TRIP4: variants seen among roughly 807,000 people sequenced by gnomAD.
The protein encoded by TRIP4 is thyroid hormone receptor interactor 4.
In TRIP4, 54 loss-of-function variants were observed where a neutral mutation model predicts 81.8. The observed-to-expected ratio is 0.66, with a 90% confidence interval of 0.53 to 0.83. The LOEUF (loss-of-function observed/expected upper bound fraction) is 0.83, where lower values mean the gene tolerates loss of function less well. Ranked by LOEUF, TRIP4 falls within the 40% of genes least tolerant of loss-of-function variation. TRIP4 has a pLI of 0.00. For synonymous variants in TRIP4, 270 were observed against 242.8 expected (o/e 1.11, Z -1.04); for missense variants, 662 against 683.6 (o/e 0.97, Z 0.35).
chr15:64,414,035 T>G, intron 7 of TRIP4, 50 bp from the exon 8 acceptor site: 1 of 1,593,504 alleles, frequency 6.3e-7, no homozygotes, highest in African/African-American at 1.3e-5. Context: ...GTAAGCATTC[T>G]GAGCATAGAA....
At chr15:64,425,097 T>G (rs745464637) in intron 10 of TRIP4, among the ~76,000 whole-genome samples, 7 of 152,118 alleles carry the variant, frequency 4.6e-5, no homozygotes, top group Non-Finnish European at 8.8e-5. Context: ...CTTCTATTCC[T>G]ATTGATATGG....
At chr15:64,396,108 C>T (rs921804717) in intron 3 of TRIP4, among the ~76,000 whole-genome samples, 1 of 151,772 alleles carries the variant, frequency 6.6e-6, no homozygotes, top group African/African-American at 2.4e-5. Flanking sequence ...GGGGTTTCAC[C>T]GAGTTGCCCA....
intron 1 of TRIP4, among the ~76,000 whole-genome samples, chr15:64,391,364 C>G (rs1303800134): frequency 6.6e-6 from 1 of 151,794 alleles, no homozygotes; most frequent in African/African-American, 2.4e-5. Flanking sequence ...ACCAGGTTGG[C>G]CAGGATGGTC....
chr15:64,436,641 C>T (rs2140308390), intron 11 of TRIP4, among the ~76,000 whole-genome samples: 1 of 150,716 alleles, frequency 6.6e-6, no homozygotes, highest in South Asian at 2.1e-4. Flanking sequence ...TAACCCCAGC[C>T]CATTTCCTCC....
Position 64,397,755 on chromosome 15 carries a change from G to C in TRIP4, c.555G>C (p.Leu185=), listed in dbSNP as rs962356007. 3 of 1,614,238 alleles carry C rather than the reference G, an allele frequency of 1.9e-6. No individual in the cohort carries two copies. The East Asian group carries it at 6.7e-5, about 36-fold the overall frequency. The change falls in exon 4 of 13, where the codon CTG becomes CTC. Residue 185 remains leucine (L), a synonymous_variant. Transcript: ENST00000261884. ...GQKHKLINNC[L]ICGRIVCEQE... ...AGCACAAGCTCATCAATAACTGTCT[G>C]ATCTGTGGGCGCATTGTCTGTGAAC...
At position 64,414,069 on chromosome 15, in the gene TRIP4, T is replaced by C; in HGVS notation, c.1044-16T>C. The C allele has an allele frequency of 6.2e-7, 1 of 1,613,028 alleles. No homozygotes were observed. Among genetic ancestry groups the C allele is most frequent in the Non-Finnish European group, 8.5e-7 (1 of 1,179,408 alleles). ...AACATTACCAATTGTTGCATCCTTT[T>C]GGTTTATTATCACAGACTAGATGAG... On this transcript the variant is annotated splice_polypyrimidine_tract_variant and intron_variant, in intron 7 of 12. Transcript: ENST00000261884.
At chr15:64,450,769 TC>T in intron 12 of TRIP4, 1 of 455,962 alleles carries the variant, frequency 2.2e-6, no homozygotes, top group South Asian at 1.5e-5. Context: ...TTAGACATCA[TC>T]ATTGAAGCCA....
chr15:64,436,763 CTTT>C (rs71133433), intron 11 of TRIP4, among the ~76,000 whole-genome samples: 1 of 21,404 alleles, frequency 4.7e-5, no homozygotes, highest in Non-Finnish European at 7.3e-5. Context: ...CCATCTATGC[CTTT>C]TTTTTTTTTT....
Position 64,454,249 on chromosome 15 carries a change from C to G in TRIP4, c.1679-748C>G, listed in dbSNP as rs79361054. Among the ~76,000 whole-genome samples the G allele has an allele frequency of 8.3e-3, 1,262 of 151,766 alleles. 17 individuals are homozygous for G. Among genetic ancestry groups the G allele is most frequent in the African/African-American group, 0.029 (1,205 of 41,350 alleles). ...AGAAAGCAAACTGCCAAACTGTTCT[C>G]AGGCCAGACAGACAGGAATTCTCTT... On this transcript the variant is annotated intron_variant, in intron 12 of 12. Transcript: ENST00000261884.
chr15:64,436,316 AGGCACATT>A (rs1892396462), intron 11 of TRIP4, among the ~76,000 whole-genome samples: 1 of 150,326 alleles, frequency 6.7e-6, no homozygotes, highest in African/African-American at 2.5e-5. Flanking sequence ...AAAATCAGCC[AGGCACATT>A]GGCTTACGCC....
chr15:64,410,544 A>T (rs1891738984), intron 7 of TRIP4, among the ~76,000 whole-genome samples: 1 of 152,218 alleles, frequency 6.6e-6, no homozygotes, highest in South Asian at 2.1e-4. Context: ...TTTAGAAAAA[A>T]ATCTAGGTAA....
At chr15:64,398,053 A>G (rs1165367400) in intron 4 of TRIP4, among the ~76,000 whole-genome samples, 1 of 152,000 alleles carries the variant, frequency 6.6e-6, no homozygotes, top group Non-Finnish European at 1.5e-5. Flanking sequence ...GGTGCCTGCC[A>G]CCACGCCCAG....
chr15:64,394,808 A>G (rs1900242440), intron 2 of TRIP4, among the ~76,000 whole-genome samples: 1 of 152,138 alleles, frequency 6.6e-6, no homozygotes, highest in Admixed American at 6.5e-5. Flanking sequence ...TAAGCACCAA[A>G]CTAAATAATC....
At chr15:64,390,058 A>C (rs1263526077) in intron 1 of TRIP4, among the ~76,000 whole-genome samples, 3 of 146,718 alleles carry the variant, frequency 2.0e-5, no homozygotes, top group Non-Finnish European at 4.5e-5. Context: ...AAATATATTA[A>C]ATATTAAATA....
chr15:64,396,971 G>A (rs1181391523), intron 3 of TRIP4, among the ~76,000 whole-genome samples: 7 of 152,048 alleles, frequency 4.6e-5, no homozygotes, highest in Non-Finnish European at 7.4e-5. Flanking sequence ...TTTTGTTTTC[G>A]TTTTTGCATT....
At chr15:64,412,005 T>C (rs1019599875) in intron 7 of TRIP4, among the ~76,000 whole-genome samples, 4 of 152,194 alleles carry the variant, frequency 2.6e-5, no homozygotes, top group Admixed American at 6.5e-5. Flanking sequence ...TTTTGACTTA[T>C]CAGCTACACA....
intron 11 of TRIP4, among the ~76,000 whole-genome samples, chr15:64,433,121 T>A (rs1892313982): frequency 6.6e-6 from 1 of 152,052 alleles, no homozygotes; most frequent in South Asian, 2.1e-4. Context: ...AAGTAAAGAC[T>A]GTCTCTGAGA....
intron 5 of TRIP4, among the ~76,000 whole-genome samples, chr15:64,405,375 C>T (rs1464386620): frequency 1.3e-5 from 2 of 151,474 alleles, no homozygotes; most frequent in African/African-American, 4.9e-5. Flanking sequence ...AGGATGGTCT[C>T]GATCTCCTGA....
At chr15:64,444,409 C>A (rs1342415076) in intron 11 of TRIP4, among the ~76,000 whole-genome samples, 2 of 152,130 alleles carry the variant, frequency 1.3e-5, no homozygotes, top group African/African-American at 2.4e-5. Context: ...GATAAGAGAT[C>A]CAAAGGAGGT....
Sources: allele counts gnomAD v4.1 joint callset (sites outside exome capture counted in the v4.1 genomes callset), GRCh38; gene constraint gnomAD v4.1.1; transcripts MANE v1.5; gene names NCBI Gene and HGNC (gene_info 2026-07-23, HGNC 2026-07-21).